The following NRG3 variants were observed in gnomAD, a reference collection of about 807,000 sequenced individuals.
The protein encoded by NRG3 is neuregulin 3, also known as pro-neuregulin-3, membrane-bound isoform.
NRG3 carries 31 observed loss-of-function variants against 66.9 expected under a neutral mutation model. The ratio of observed to expected loss-of-function variants is 0.46; its 90% CI spans 0.35 to 0.63. The LOEUF is 0.63. NRG3 is among the 20% of genes least tolerant of loss of function. The pLI, the probability that NRG3 is intolerant of heterozygous loss-of-function variation, is 0.00. For missense variants in NRG3, 910 were observed against 878.9 expected, an observed-to-expected ratio of 1.04 and a Z score of -0.45; for synonymous variants, 393 against 359.4, an observed-to-expected ratio of 1.09 and a Z score of -1.06.
intron 3 of NRG3, among the ~76,000 whole-genome samples, chr10:82,740,823 CAAAAAA>C (rs56944502): frequency 1.4e-4 from 17 of 118,332 alleles, no homozygotes; most frequent in African/African-American, 5.2e-4. Flanking sequence ...GACTCTGTCT[CAAAAAA>C]AAAAAAAAAA....
chr10:82,923,572 T>A (rs1212805429), intron 4 of NRG3, among the ~76,000 whole-genome samples: 4 of 152,210 alleles, frequency 2.6e-5, no homozygotes, highest in African/African-American at 9.6e-5. Context: ...TAATTGTAAA[T>A]ACCTGAATTA....
At chr10:82,421,541 C>T (rs2089073843) in intron 2 of NRG3, among the ~76,000 whole-genome samples, 1 of 152,040 alleles carries the variant, frequency 6.6e-6, no homozygotes, top group Admixed American at 6.6e-5. Context: ...TGGATCACCC[C>T]CAGCAGATGT....
chr10:82,478,030 G>C (rs1008677023), intron 2 of NRG3, among the ~76,000 whole-genome samples: 1 of 152,124 alleles, frequency 6.6e-6, no homozygotes, highest in African/African-American at 2.4e-5. Context: ...GGGATTTGAA[G>C]AATACATTTT....
intron 1 of NRG3, among the ~76,000 whole-genome samples, chr10:82,278,797 G>A (rs1196907204): frequency 1.3e-5 from 2 of 152,044 alleles, no homozygotes; most frequent in East Asian, 3.9e-4. Context: ...GGGTCTCATA[G>A]CTAAAAAGTA....
chr10:82,679,579 G>A (rs2053960605), intron 2 of NRG3, among the ~76,000 whole-genome samples: 1 of 152,158 alleles, frequency 6.6e-6, no homozygotes, highest in Admixed American at 6.5e-5. Flanking sequence ...GAAAAATAAT[G>A]CAAAGCTGCT....
chr10:82,982,841 A>G (rs1853066445), intron 8 of NRG3, among the ~76,000 whole-genome samples: 2 of 152,178 alleles, frequency 1.3e-5, no homozygotes, highest in Admixed American at 6.5e-5. Flanking sequence ...GTAACATTTT[A>G]AATTTCAGTT....
chr10:82,529,423 A>G (rs1177590172), intron 2 of NRG3, among the ~76,000 whole-genome samples: 1 of 152,224 alleles, frequency 6.6e-6, no homozygotes. Context: ...ATAAAAGTTC[A>G]GGCTTCCAGT....
At chr10:82,232,793 T>C (rs2076550231) in intron 1 of NRG3, 1 of 716,722 alleles carries the variant, frequency 1.4e-6, no homozygotes, top group East Asian at 2.7e-5. Context: ...AAGACCAGAG[T>C]GGTCAGGAGG....
intron 3 of NRG3, among the ~76,000 whole-genome samples, chr10:82,785,332 T>G (rs901596864): frequency 6.6e-6 from 1 of 151,862 alleles, no homozygotes; most frequent in Admixed American, 6.6e-5. Flanking sequence ...TGTGCACGTG[T>G]ACCCTAAAAC....
intron 1 of NRG3, among the ~76,000 whole-genome samples, chr10:81,895,808 G>T (rs566666681): frequency 5.9e-5 from 9 of 152,174 alleles, no homozygotes; most frequent in Non-Finnish European, 1.3e-4. Flanking sequence ...GGGAATGGCT[G>T]TTCCTTAGAT....
intron 4 of NRG3, among the ~76,000 whole-genome samples, chr10:82,924,348 C>A (rs1846768005): frequency 6.6e-6 from 1 of 151,960 alleles, no homozygotes. Flanking sequence ...GCTCCACTAC[C>A]CTGTGCCTCT....
intron 1 of NRG3, among the ~76,000 whole-genome samples, chr10:81,936,798 A>G (rs1342836065): frequency 2.6e-5 from 4 of 152,124 alleles, no homozygotes; most frequent in Non-Finnish European, 5.9e-5. Context: ...GGTAGGGTCC[A>G]AAAGATGAGG....
chr10:82,097,369 T>TTTACACAC (rs113103773), intron 1 of NRG3, among the ~76,000 whole-genome samples: 1 of 141,030 alleles, frequency 7.1e-6, no homozygotes, highest in African/African-American at 2.6e-5. Flanking sequence ...TCCAGATGGT[T>TTTACACAC]ACACACACAC....
chr10:82,657,009 C>G (rs79272706), intron 2 of NRG3, among the ~76,000 whole-genome samples: 5,983 of 152,110 alleles, frequency 0.039, 414 homozygotes, highest in African/African-American at 0.14. Context: ...GGCTTCCCCA[C>G]ACACCCGTAT....
intron 3 of NRG3, among the ~76,000 whole-genome samples, chr10:82,768,225 G>A (rs1216906530): frequency 2.0e-5 from 3 of 151,902 alleles, no homozygotes; most frequent in Admixed American, 6.6e-5. Flanking sequence ...TCACTTTCAC[G>A]TGTACTAGGC....
chr10:82,690,279 T>G (rs1227170132), intron 2 of NRG3, among the ~76,000 whole-genome samples: 1 of 38,272 alleles, frequency 2.6e-5, no homozygotes, highest in Non-Finnish European at 1.3e-4. Context: ...TTGGCCACTT[T>G]TTTTTTTTTT....
intron 1 of NRG3, among the ~76,000 whole-genome samples, chr10:82,258,777 G>A (rs536810350): frequency 6.6e-6 from 1 of 152,310 alleles, no homozygotes; most frequent in South Asian, 2.1e-4. Flanking sequence ...GAATGTGAAG[G>A]TTGGAGGTGT....
intron 1 of NRG3, among the ~76,000 whole-genome samples, chr10:82,169,915 T>G (rs2072430759): frequency 6.6e-6 from 1 of 151,892 alleles, no homozygotes; most frequent in African/African-American, 2.4e-5. Flanking sequence ...TTGGTTGATA[T>G]TTGTTCTACT....
chr10:82,274,569 A>C (rs1470907941), intron 1 of NRG3, among the ~76,000 whole-genome samples: 1 of 152,066 alleles, frequency 6.6e-6, no homozygotes, highest in Non-Finnish European at 1.5e-5. Flanking sequence ...AGTTACAAAA[A>C]GAGACCAAGT....
Sources: allele counts gnomAD v4.1 joint callset (sites outside exome capture counted in the v4.1 genomes callset), GRCh38; gene constraint gnomAD v4.1.1; transcripts MANE v1.5; gene names NCBI Gene and HGNC (gene_info 2026-07-23, HGNC 2026-07-21).